CFAP77: variants seen among roughly 807,000 people sequenced by gnomAD.
CFAP77 encodes cilia- and flagella-associated protein 77.
In CFAP77, 25 loss-of-function variants were observed where a neutral mutation model predicts 31.1. That is an observed-to-expected ratio of 0.80 (90% CI 0.59 to 1.12). The LOEUF is 1.12. CFAP77 is among the 50% of genes most tolerant of loss of function. The pLI is 0.00. For missense variants in CFAP77, 377 were observed against 397.3 expected, an observed-to-expected ratio of 0.95 and a Z score of 0.44; for synonymous variants, 151 against 159.9, an observed-to-expected ratio of 0.94 and a Z score of 0.42.
intron 1 of CFAP77, among the ~76,000 whole-genome samples, chr9:132,494,914 G>A (rs553011929): frequency 2.6e-5 from 4 of 152,240 alleles, no homozygotes; most frequent in African/African-American, 9.6e-5. Context: ...TATATATTAT[G>A]GATAAGACTA....
At chr9:132,555,455 G>A (rs138322211) in intron 5 of CFAP77, among the ~76,000 whole-genome samples, 1,615 of 152,222 alleles carry the variant, frequency 0.011, 39 homozygotes, top group African/African-American at 0.036. Context: ...CTGCATGGAC[G>A]GCTCAGCAAA....
In CFAP77 at chr9:132,571,883, ATTT is replaced by A. The variant is rs35207512; in HGVS notation, c.733-491_733-489del. Among the ~76,000 whole-genome samples the A allele has an allele frequency of 6.4e-3, 902 of 141,718 alleles. 3 individuals carry two copies. Among genetic ancestry groups the A allele is most frequent in the East Asian group, 0.021 (102 of 4,888 alleles). The allele number at this position is 141,718 out of a possible 152,430, so 93.0% of individuals were successfully genotyped here. A position where few individuals can be genotyped will look rare whatever the true frequency, so the allele number is the denominator to read the frequency against. On this transcript the variant is annotated intron_variant, in intron 5 of 5. Coordinates refer to ENST00000393216, the MANE Select transcript of CFAP77 (RefSeq NM_001282957.2). ...CACTCTTTGAATCTGTCTCCCTTGC[ATTT>A]TTTTTTTTTTTTTCTGATTTATTCT...
intron 5 of CFAP77, among the ~76,000 whole-genome samples, chr9:132,546,515 T>G (rs1489338439): frequency 6.6e-6 from 1 of 152,150 alleles, no homozygotes; most frequent in African/African-American, 2.4e-5. Flanking sequence ...ATTAAACACC[T>G]TTCACACTGA....
chr9:132,485,615 G>A (rs761611156), intron 1 of CFAP77, among the ~76,000 whole-genome samples: 27 of 152,158 alleles, frequency 1.8e-4, no homozygotes, highest in South Asian at 6.2e-4. Context: ...TGTGAGCAGC[G>A]GGAGCTGGCC....
In CFAP77 at chr9:132,419,652, C is replaced by T. The variant is rs72765865; in HGVS notation, c.195+9186C>T. Among the ~76,000 whole-genome samples, 551 of 152,208 alleles carry T rather than the reference C, an allele frequency of 3.6e-3. 4 individuals are homozygous for T. Among genetic ancestry groups the T allele is most frequent in the Non-Finnish European group, 5.2e-3 (354 of 68,016 alleles). On this transcript the variant is annotated intron_variant, in intron 1 of 5. Coordinates refer to ENST00000393216, the MANE Select transcript of CFAP77 (RefSeq NM_001282957.2). Reference sequence around the variant, plus strand: ...CGCATTTATATTTTCCATCTGCTTCCCAGGAGATCTTTAAGAGCCAAGATA... The same window carrying T: ...CGCATTTATATTTTCCATCTGCTTCTCAGGAGATCTTTAAGAGCCAAGATA...
chr9:132,470,659 A>G (rs1341371348), intron 1 of CFAP77, among the ~76,000 whole-genome samples: 1 of 152,198 alleles, frequency 6.6e-6, no homozygotes, highest in Non-Finnish European at 1.5e-5. Flanking sequence ...CAGCAGGCCC[A>G]CAGTAGAGCC....
intron 3 of CFAP77, among the ~76,000 whole-genome samples, chr9:132,502,297 T>C (rs983375141): frequency 5.3e-5 from 8 of 150,388 alleles, no homozygotes; most frequent in Non-Finnish European, 1.0e-4. Context: ...GGGTGGTAGT[T>C]CCTTCTTTAT....
intron 5 of CFAP77, among the ~76,000 whole-genome samples, chr9:132,566,889 G>T (rs557738883): frequency 2.6e-5 from 4 of 152,166 alleles, no homozygotes; most frequent in Non-Finnish European, 5.9e-5. Context: ...GTCCTTGCTG[G>T]CCGCTGGAGG....
At chr9:132,487,649 T>TG (rs1412124538) in intron 1 of CFAP77, among the ~76,000 whole-genome samples, 1 of 151,834 alleles carries the variant, frequency 6.6e-6, no homozygotes, top group African/African-American at 2.4e-5. Flanking sequence ...TGTGGTTTTT[T>TG]TTTTTTTTTT....
At chr9:132,452,664 C>G (rs1156941068) in intron 1 of CFAP77, among the ~76,000 whole-genome samples, 4 of 152,182 alleles carry the variant, frequency 2.6e-5, no homozygotes, top group African/African-American at 9.7e-5. Context: ...AGAATCAGGA[C>G]TAGGACCTCG....
intron 1 of CFAP77, among the ~76,000 whole-genome samples, chr9:132,465,073 C>CAAAAAAAAAAAAAAA (rs773917029): frequency 1.4e-4 from 12 of 82,848 alleles, no homozygotes; most frequent in East Asian, 3.2e-4. Flanking sequence ...GACTCTGTCT[C>CAAAAAAAAAAAAAAA]AAAAAAAAAA....
chr9:132,557,360 C>T (rs1852921365), intron 5 of CFAP77, among the ~76,000 whole-genome samples: 1 of 152,190 alleles, frequency 6.6e-6, no homozygotes, highest in Non-Finnish European at 1.5e-5. Flanking sequence ...CCAGAGCCAC[C>T]GCCGTGGGGG....
intron 1 of CFAP77, among the ~76,000 whole-genome samples, chr9:132,421,977 C>T (rs1431877300): frequency 1.3e-5 from 2 of 151,816 alleles, no homozygotes; most frequent in Non-Finnish European, 2.9e-5. Context: ...GCCTTGGGGA[C>T]ACCTCAGTGG....
chr9:132,526,167 T>C (rs1221921474), intron 3 of CFAP77, among the ~76,000 whole-genome samples: 1 of 152,168 alleles, frequency 6.6e-6, no homozygotes, highest in African/African-American at 2.4e-5. Flanking sequence ...TTCTCTGGAA[T>C]AAATGCCCAG....
intron 3 of CFAP77, among the ~76,000 whole-genome samples, chr9:132,536,093 T>C (rs1167898242): frequency 6.6e-6 from 1 of 152,154 alleles, no homozygotes; most frequent in Non-Finnish European, 1.5e-5. Flanking sequence ...ATTCTAGATA[T>C]CTATCTTATA....
At chr9:132,560,654 C>T (rs1852980456) in intron 5 of CFAP77, among the ~76,000 whole-genome samples, 1 of 152,220 alleles carries the variant, frequency 6.6e-6, no homozygotes, top group Non-Finnish European at 1.5e-5. Flanking sequence ...CCATGGAGCA[C>T]AGCTCTGCAT....
rs551895417 is a variant in CFAP77, at chr9:132,433,686, T to C, written c.195+23220T>C. 2.6e-5 allele frequency among the ~76,000 whole-genome samples: 4 copies of C among 152,176 alleles called. No homozygotes were observed. The East Asian group carries it at 7.8e-4, about 30-fold the overall frequency. On this transcript the variant is annotated intron_variant, in intron 1 of 5. Coordinates refer to ENST00000393216, the MANE Select transcript of CFAP77 (RefSeq NM_001282957.2). ...CCTCAGCCTCCTGAGTAGCTGGGAT[T>C]ACAGGTGTGAGCCACCATGCCCAGC...
intron 4 of CFAP77, among the ~76,000 whole-genome samples, chr9:132,538,299 AGGC>A (rs372870584): frequency 7.3e-4 from 111 of 152,340 alleles, no homozygotes; most frequent in African/African-American, 2.6e-3. Flanking sequence ...GCTGCTTCCC[AGGC>A]GTGGAAGTCG....
chr9:132,483,403 C>T (rs1464028075), intron 1 of CFAP77, among the ~76,000 whole-genome samples: 1 of 152,212 alleles, frequency 6.6e-6, no homozygotes, highest in Non-Finnish European at 1.5e-5. Context: ...GGACAAGGAG[C>T]GTCGAGCCCC....
Sources: gnomAD v4.1 joint callset for allele counts (sites outside exome capture counted in the v4.1 genomes callset) on GRCh38, gnomAD v4.1.1 for gene constraint, MANE v1.5 for transcripts, NCBI Gene and HGNC (gene_info 2026-07-23, HGNC 2026-07-21) for gene names.